SAMMSON: variants seen among roughly 807,000 people sequenced by gnomAD.
SAMMSON encodes long intergenic non-protein coding RNA 1212.
At chr3:70,233,103 C>T (rs566730980) in intron 4 of SAMMSON, among the ~76,000 whole-genome samples, 69 of 152,266 alleles carry the variant, frequency 4.5e-4, no homozygotes, top group African/African-American at 1.6e-3. Context: ...GCACAAGAAT[C>T]GCTTAAACCT....
intron 6 of SAMMSON, among the ~76,000 whole-genome samples, chr3:70,287,680 TCTGGTC>T (rs1489458904): frequency 2.0e-5 from 3 of 152,138 alleles, no homozygotes; most frequent in Non-Finnish European, 4.4e-5. Context: ...TGTGAATCCG[TCTGGTC>T]CTGGACTCTT....
At chr3:70,176,031 A>G (rs1701006274) in intron 4 of SAMMSON, among the ~76,000 whole-genome samples, 2 of 152,130 alleles carry the variant, frequency 1.3e-5, no homozygotes, top group South Asian at 4.1e-4. Flanking sequence ...CATACCCATG[A>G]TATCTCCATG....
chr3:70,190,578 T>C (rs1205289252), intron 4 of SAMMSON, among the ~76,000 whole-genome samples: 4 of 152,206 alleles, frequency 2.6e-5, no homozygotes, highest in Non-Finnish European at 5.9e-5. Flanking sequence ...AAAAATATTA[T>C]TCAAGTACGT....
downstream of SAMMSON, among the ~76,000 whole-genome samples, chr3:70,393,044 C>T (rs1379368294): frequency 2.0e-5 from 3 of 152,158 alleles, no homozygotes; most frequent in Non-Finnish European, 4.4e-5. Context: ...GAAATATGAT[C>T]AGAGCAGAAA....
At chr3:70,125,015 T>C in intron 4 of SAMMSON, 1 of 687,444 alleles carries the variant, frequency 1.5e-6, no homozygotes, top group Non-Finnish European at 2.6e-6. Flanking sequence ...CCTGTCCAAG[T>C]TGGAAAGCCC....
intron 4 of SAMMSON, among the ~76,000 whole-genome samples, chr3:70,192,931 G>C (rs1356688037): frequency 6.6e-6 from 1 of 152,150 alleles, no homozygotes; most frequent in Non-Finnish European, 1.5e-5. Flanking sequence ...GTTGGTGGGC[G>C]CGGGGGGTTG....
At chr3:70,420,200 C>G (rs1701300452) in intron 2 of SAMMSON, among the ~76,000 whole-genome samples, 1 of 152,108 alleles carries the variant, frequency 6.6e-6, no homozygotes, top group Non-Finnish European at 1.5e-5. Context: ...TCTTAGGTAC[C>G]TGGTGGGTTT....
chr3:70,360,170 A>T (rs1016998132), intron 9 of SAMMSON, among the ~76,000 whole-genome samples: 2 of 152,282 alleles, frequency 1.3e-5, no homozygotes, highest in African/African-American at 4.8e-5. Flanking sequence ...AAGAAAAGCC[A>T]AAGATTTAAT....
chr3:70,399,721 T>C (rs1411018193), intron 2 of SAMMSON, among the ~76,000 whole-genome samples: 1 of 151,168 alleles, frequency 6.6e-6, no homozygotes, highest in Non-Finnish European at 1.5e-5. Flanking sequence ...CAAAGAAAAA[T>C]CAGCTGGATG....
chr3:70,375,197 A>G (rs1208582324), intron 9 of SAMMSON, among the ~76,000 whole-genome samples: 1 of 151,962 alleles, frequency 6.6e-6, no homozygotes, highest in Non-Finnish European at 1.5e-5. Flanking sequence ...TTCACATCGC[A>G]TTTTATCTCT....
At chr3:70,083,985 C>T (rs2067276661) in intron 4 of SAMMSON, among the ~76,000 whole-genome samples, 2 of 152,126 alleles carry the variant, frequency 1.3e-5, no homozygotes, top group Non-Finnish European at 2.9e-5. Context: ...TGATTCCTAG[C>T]ATTAGCTGTT....
At chr3:70,420,653 A>G (rs922396845) in intron 2 of SAMMSON, among the ~76,000 whole-genome samples, 2 of 152,210 alleles carry the variant, frequency 1.3e-5, no homozygotes, top group African/African-American at 2.4e-5. Context: ...TGGGATTATT[A>G]TTCCTGCTTG....
intron 2 of SAMMSON, among the ~76,000 whole-genome samples, chr3:70,408,610 C>T (rs577764437): frequency 6.3e-4 from 96 of 152,244 alleles, no homozygotes; most frequent in Non-Finnish European, 1.2e-3. Flanking sequence ...TCTGAGGTCA[C>T]CTCAGCCTGG....
At chr3:70,278,345 T>C (rs1164224339) in intron 6 of SAMMSON, among the ~76,000 whole-genome samples, 1 of 152,194 alleles carries the variant, frequency 6.6e-6, no homozygotes, top group Admixed American at 6.6e-5. Flanking sequence ...ACATTTAGGC[T>C]GTTCCCAGTA....
chr3:70,045,485 T>C (rs1427750974), intron 3 of SAMMSON, among the ~76,000 whole-genome samples: 1 of 151,710 alleles, frequency 6.6e-6, no homozygotes, highest in Non-Finnish European at 1.5e-5. Context: ...TCACCAATAG[T>C]CCAATGCCCT....
intron 3 of SAMMSON, among the ~76,000 whole-genome samples, chr3:70,058,315 A>G (rs1052347521): frequency 2.0e-5 from 3 of 151,892 alleles, no homozygotes; most frequent in Non-Finnish European, 2.9e-5. Context: ...TTTCTGCTTG[A>G]CTTTACTTTG....
intron 4 of SAMMSON, among the ~76,000 whole-genome samples, chr3:70,209,298 CA>C (rs1449031665): frequency 6.6e-6 from 1 of 151,958 alleles, no homozygotes; most frequent in East Asian, 1.9e-4. Context: ...TAGCTCATGA[CA>C]ATGAAAAATG....
chr3:70,196,466 T>A (rs1353774927), intron 4 of SAMMSON, among the ~76,000 whole-genome samples: 2 of 152,180 alleles, frequency 1.3e-5, no homozygotes, highest in African/African-American at 4.8e-5. Context: ...TACAATACAT[T>A]ATTAATAATA....
chr3:70,292,030 CTCTT>C (rs1185827498), intron 7 of SAMMSON: 1 of 152,168 alleles, frequency 6.6e-6, no homozygotes, highest in Non-Finnish European at 1.5e-5. Context: ...AATAAATAGT[CTCTT>C]CCTTCAAGAA....
Sources: allele counts gnomAD v4.1 joint callset (sites outside exome capture counted in the v4.1 genomes callset), GRCh38; gene constraint gnomAD v4.1.1; transcripts MANE v1.5; gene names NCBI Gene and HGNC (gene_info 2026-07-23, HGNC 2026-07-21).